SPACA6: variants seen among roughly 807,000 people sequenced by gnomAD.
SPACA6 encodes the protein sperm acrosome membrane-associated protein 6.
For missense variants in SPACA6, 8 were observed against 2.8 expected (o/e 2.88, Z -1.34); for synonymous variants, 6 against 1.5 (o/e 4.05, Z -2.21).
upstream of SPACA6, among the ~76,000 whole-genome samples, chr19:51,691,842 A>C (rs2083376186): frequency 6.6e-6 from 1 of 151,990 alleles, no homozygotes; most frequent in African/African-American, 2.4e-5. Flanking sequence ...GGGGTCCAGA[A>C]GCTGGAGAAG....
downstream of SPACA6, among the ~76,000 whole-genome samples, chr19:51,706,848 A>G (rs899544275): frequency 2.0e-5 from 3 of 152,144 alleles, no homozygotes; most frequent in Admixed American, 2.0e-4. Flanking sequence ...TGGAAGAGAC[A>G]GGGTTTCGCC....
At chr19:51,704,512 C>G (rs1469505229) in intron 8 of SPACA6, 32 bp downstream of exon 8, 3 of 400,954 alleles carry the variant, frequency 7.5e-6, no homozygotes, top group Non-Finnish European at 1.3e-5. Flanking sequence ...GCCCCAGCAT[C>G]TAGCTCCCCG....
chr19:51,692,229 T>C (rs2083380065), upstream of SPACA6, among the ~76,000 whole-genome samples: 1 of 151,736 alleles, frequency 6.6e-6, no homozygotes, highest in South Asian at 2.1e-4. This position sits in a 1 kb window ranked among gnomAD's most constrained non-coding sequence, Gnocchi z 5.6. Context: ...ACGAGACAAA[T>C]GAGGTTCCCT....
Position 51,711,803 on chromosome 19 carries a change from T to A in SPACA6, n.200-230T>A, listed in dbSNP as rs563274094. ...CAAAAAAAAGCACATACTGCAGGAT[T>A]GCATTGATATGAAATAGCCAGAATA... On this transcript the variant is annotated intron_variant and non_coding_transcript_variant, in intron 2 of 2. Transcript: ENST00000573896. 2.0e-5 allele frequency among the ~76,000 whole-genome samples: 3 copies of A among 152,282 alleles called. No individual in the cohort carries two copies. In the South Asian group the frequency reaches 6.2e-4, roughly 32 times the overall value.
downstream of SPACA6, among the ~76,000 whole-genome samples, chr19:51,706,729 G>A (rs959747489): frequency 2.6e-5 from 4 of 151,296 alleles, no homozygotes; most frequent in East Asian, 3.9e-4. Context: ...GTGCGATGTC[G>A]GCTCACTGCA....
upstream of SPACA6, chr19:51,692,869 G>A (rs1315976385): frequency 1.9e-6 from 1 of 534,322 alleles, no homozygotes. The surrounding 1 kb of genome is among the most constrained non-coding windows in gnomAD (Gnocchi z 5.6). Context: ...CCCAGGCTGC[G>A]CCCTGCACGG....
intron 2 of SPACA6, among the ~76,000 whole-genome samples, chr19:51,711,214 C>T (rs896097271): frequency 6.6e-6 from 1 of 152,174 alleles, no homozygotes. Context: ...CATTGATGAA[C>T]TTGACAAGAG....
chr19:51,684,135 G>C (rs891200678), upstream of SPACA6, among the ~76,000 whole-genome samples: 2 of 152,042 alleles, frequency 1.3e-5, no homozygotes, highest in South Asian at 4.2e-4. Flanking sequence ...GGTTTTTTTG[G>C]GGGGAGAAGG....
intron 2 of SPACA6, among the ~76,000 whole-genome samples, chr19:51,700,241 G>A (rs554511355): frequency 3.9e-5 from 6 of 152,244 alleles, no homozygotes; most frequent in African/African-American, 9.6e-5. Flanking sequence ...GCAACAGAGC[G>A]AGACTCTATC....
upstream of SPACA6, among the ~76,000 whole-genome samples, chr19:51,685,121 T>C (rs1316999892): frequency 1.3e-5 from 2 of 152,234 alleles, no homozygotes; most frequent in African/African-American, 4.8e-5. Flanking sequence ...TGTCCTCCTG[T>C]CTACCAGTTC....
At chr19:51,709,531 C>CAAAAAAAAAAAAAAAAAAAAAA (rs56170768), downstream of SPACA6, among the ~76,000 whole-genome samples, 1 of 54,466 alleles carries the variant, frequency 1.8e-5, no homozygotes, top group Non-Finnish European at 3.4e-5. Flanking sequence ...AAAAAAAAGG[C>CAAAAAAAAAAAAAAAAAAAAAA]AAAAAAAAAA....
At chr19:51,694,077 G>A (rs1313566308) in intron 1 of SPACA6, 4 of 152,126 alleles carry the variant, frequency 2.6e-5, no homozygotes, top group Non-Finnish European at 4.1e-5. Context: ...ATGGACACTC[G>A]GGAGGATGGA....
chr19:51,710,318 T>C (rs1035636124), downstream of SPACA6, among the ~76,000 whole-genome samples: 3 of 152,212 alleles, frequency 2.0e-5, no homozygotes, highest in South Asian at 6.2e-4. Flanking sequence ...GCTTGGTGAA[T>C]GTTTTGGTGA....
chr19:51,707,736 C>T (rs1469136305), downstream of SPACA6, among the ~76,000 whole-genome samples: 1 of 152,206 alleles, frequency 6.6e-6, no homozygotes, highest in Non-Finnish European at 1.5e-5. Context: ...AGACACCAGT[C>T]GCAAGCCAGG....
intron 2 of SPACA6, among the ~76,000 whole-genome samples, chr19:51,700,425 CTG>C (rs1381981773): frequency 1.3e-5 from 2 of 152,204 alleles, no homozygotes; most frequent in African/African-American, 4.8e-5. Flanking sequence ...AATGCGATCT[CTG>C]TGTTACAGCT....
upstream of SPACA6, chr19:51,689,379 C>T (rs1305779749): frequency 6.9e-6 from 1 of 145,360 alleles, no homozygotes; most frequent in Non-Finnish European, 1.5e-5. Context: ...AGCCCCGGAC[C>T]GCAGAGCCGG....
upstream of SPACA6, among the ~76,000 whole-genome samples, chr19:51,690,768 G>A (rs1324608720): frequency 6.6e-6 from 1 of 152,168 alleles, no homozygotes; most frequent in African/African-American, 2.4e-5. Context: ...GACACTGGTT[G>A]GCGGGTGGGG....
intron 2 of SPACA6, among the ~76,000 whole-genome samples, chr19:51,700,659 C>T (rs2083462020): frequency 6.6e-6 from 1 of 152,270 alleles, no homozygotes; most frequent in East Asian, 1.9e-4. Context: ...ACTGAGGGCC[C>T]TCTCCAGGAT....
At chr19:51,683,958 G>A in the SPACA6 span, among the ~76,000 whole-genome samples, 1 of 152,138 alleles carries the variant, frequency 6.6e-6, no homozygotes, top group Admixed American at 6.5e-5. Context: ...ATATATATGT[G>A]TACAAATGCA....
Sources: allele counts gnomAD v4.1 joint callset (sites outside exome capture counted in the v4.1 genomes callset), GRCh38; gene constraint gnomAD v4.1.1; non-coding constraint Gnocchi (gnomAD v3.1); transcripts MANE v1.5; gene names NCBI Gene and HGNC (gene_info 2026-07-23, HGNC 2026-07-21).